The following TTN variants were observed in gnomAD, a reference collection of about 807,000 sequenced individuals.
TTN encodes connectin.
In TTN, 1,525 loss-of-function variants were observed where a neutral mutation model predicts 3,223.0. The ratio of observed to expected loss-of-function variants is 0.47; its 90% CI spans 0.45 to 0.49. TTN has a LOEUF of 0.49. Among genes scored for constraint, TTN ranks in the 20% least tolerant of loss-of-function variants. TTN has a pLI of 0.00. For missense variants in TTN, 40,786 were observed against 43,424.0 expected, an observed-to-expected ratio of 0.94 and a Z score of 5.40; for synonymous variants, 14,094 against 15,161.0, an observed-to-expected ratio of 0.93 and a Z score of 5.17.
chr2:178,603,190 A>G (rs1156416457), intron 282 of TTN, among the ~76,000 whole-genome samples: 1 of 151,992 alleles, frequency 6.6e-6, no homozygotes, highest in African/African-American at 2.4e-5. Context: ...GTTCAATACT[A>G]GTTTGCAAAT....
In TTN at chr2:178,542,338, C is replaced by T. The variant is rs397517770; in HGVS notation, c.97418G>A (p.Arg32473His). The change falls in exon 349 of 363, where the codon CGT (arginine) becomes CAT (histidine). Residue 32473 changes from arginine to histidine, a missense_variant. By Grantham distance (29) the Arg-to-His change is conservative (BLOSUM62 0). Transcript: ENST00000589042. ...RLTEGNEYVF[R>H]VAATNRFGIG... is the part of the protein sequence containing the mutation. ...CCCGAAGCGGTTTGTTGCAGCCACA[C>T]GGAACACATACTCATTTCCTTCGGT... is the stretch of plus-strand genomic sequence containing the variant. 9.4e-5 allele frequency: 151 copies of T among 1,613,294 alleles called. 4 individuals carry two copies. In the South Asian group the frequency reaches 1.5e-3, roughly 16 times the overall value.
intron 152 of TTN, 94 bp downstream of exon 152, chr2:178,673,539 T>C (rs2067383065): frequency 1.1e-6 from 1 of 873,278 alleles, no homozygotes; most frequent in Non-Finnish European, 1.7e-6. Context: ...ACTATCTAAA[T>C]GATTATAAGA....
chr2:178,682,476 G>A (rs571029118), intron 135 of TTN, among the ~76,000 whole-genome samples: 31 of 152,028 alleles, frequency 2.0e-4, no homozygotes, highest in African/African-American at 5.3e-4. Flanking sequence ...GATTATTCCC[G>A]GAACAAAAGT....
chr2:178,584,677 A>T lies in TTN; in HGVS notation c.64964T>A (p.Phe21655Tyr). Reference protein sequence around the residue: ...PLTSPKMVAQFPFGVPSEPKN... With the variant: ...PLTSPKMVAQYPFGVPSEPKN... ...CCTTCACAAAAACATACCAAATGGG[A>T]ACTGCGCAACCATCTTTGGAGATGT... The change falls in exon 310 of 363, where the codon TTC becomes TAC. Residue 21655 changes from phenylalanine to tyrosine, a missense_variant. Coordinates refer to ENST00000589042, the MANE Select transcript of TTN (RefSeq NM_001267550.2). 1 of 1,613,346 alleles carries T rather than the reference A, an allele frequency of 6.2e-7. No homozygotes were observed. Among genetic ancestry groups the T allele is most frequent in the Non-Finnish European group, 8.5e-7 (1 of 1,179,512 alleles).
chr2:178,723,616 C>T lies in TTN; in HGVS notation c.21484G>A (p.Gly7162Arg), dbSNP rs1288993592. ...KNVTFTSVIR[G>R]TPPFKVNWFR... ...CAGTTGACTTTGAATGGAGGGGTTC[C>T]TCTAATAACGCTTGTGAAGGTTACA... The change falls in exon 74 of 363, where the codon GGA (glycine) becomes AGA (arginine). Residue 7162 changes from glycine to arginine, a missense_variant. Coordinates refer to ENST00000589042, the MANE Select transcript of TTN (RefSeq NM_001267550.2). 6.2e-7 allele frequency: 1 copy of T among 1,612,916 alleles called. No individual in the cohort carries two copies. The highest frequency in any genetic ancestry group is 8.5e-7 in the Non-Finnish European group (1 of 1,179,462).
In TTN at chr2:178,538,803, GA is replaced by G; in HGVS notation, c.99025del (p.Ser33009GlnfsTer52). ...PSQPGELEILSISKDSVTLQW... is the reference protein window; with the variant it reads ...PSQPGELEILXISKDSVTLQW... ...TAGAGTGACACTATCTTTGGATATTGAAAGAATCTCAAGTTCTCCTGGTTGG... is the reference window on the plus strand; with the variant it reads ...TAGAGTGACACTATCTTTGGATATTGAAGAATCTCAAGTTCTCCTGGTTGG... On this transcript the variant is annotated frameshift_variant, in exon 354 of 363. Transcript: ENST00000589042. LOFTEE classifies it high-confidence loss of function. 6.2e-7 allele frequency: 1 copy of G among 1,611,366 alleles called. No homozygotes were observed. Among genetic ancestry groups the G allele is most frequent in the Non-Finnish European group, 8.5e-7 (1 of 1,178,430 alleles).
In TTN at chr2:178,782,203, T is replaced by C. The variant is rs770149480; in HGVS notation, c.3380+9A>G. 4.7e-5 allele frequency: 76 copies of C among 1,613,906 alleles called. No homozygotes were observed. The highest frequency in any genetic ancestry group is 6.3e-5 in the Non-Finnish European group (74 of 1,179,952). ...TCACAGAGAACTCTATATTCAGCCA[T>C]CAAAATACCTGTATCCAGTGGTTAG... On this transcript the variant is annotated intron_variant, in intron 20 of 362. Transcript: ENST00000589042.
intron 16 of TTN, 65 bp from the exon 17 acceptor site, chr2:178,783,850 G>A (rs1057507889): frequency 7.6e-7 from 1 of 1,312,232 alleles, no homozygotes; most frequent in African/African-American, 1.5e-5. Flanking sequence ...TAAACTCTTA[G>A]CTCATGCAAC....
Position 178,773,153 on chromosome 2 carries a change from A to G in TTN, c.7811T>C (p.Phe2604Ser), listed in dbSNP as rs772001227. 1 of 1,613,856 alleles carries G rather than the reference A, an allele frequency of 6.2e-7. No homozygotes were observed. The highest frequency in any genetic ancestry group is 8.5e-7 in the Non-Finnish European group (1 of 1,179,932). The stretch of plus-strand genomic sequence containing the variant: ...AGATGTCATATTTTCTCCCGCGTAA[A>G]ATGTGTATTTTCCTTCATCATCTTT... ...MMKDDEGKYTFYAGENMTSGK... is the reference protein window; with the variant it reads ...MMKDDEGKYTSYAGENMTSGK... Residue 2604 changes from phenylalanine to serine, a missense_variant, in exon 33 of 363, where the codon TTT (phenylalanine) becomes TCT (serine). By Grantham distance (155) the Phe-to-Ser change is radical (BLOSUM62 -2). Transcript: ENST00000589042.
At position 178,564,081 on chromosome 2, in the gene TTN, G is replaced by C. The variant is rs1398866994; in HGVS notation, c.82051C>G (p.Leu27351Val). The C allele has an allele frequency of 6.2e-7, 1 of 1,613,750 alleles. No homozygotes were observed. The highest frequency in any genetic ancestry group is 1.3e-5 in the African/African-American group (1 of 75,022). Residue 27351 changes from leucine (L) to valine (V), a missense_variant, in exon 326 of 363, where the codon CTC becomes GTC. By Grantham distance (32) the Leu-to-Val change is conservative. Coordinates refer to ENST00000589042, the MANE Select transcript of TTN (RefSeq NM_001267550.2). ...RTDGGQYILK[L>V]SNVGGTKSIP... ...GACTTTGTACCACCAACATTGCTGA[G>C]TTTCAGAATATATTGTCCTCCATCA...
At chr2:178,800,960 T>C (rs1054595407) in intron 3 of TTN, among the ~76,000 whole-genome samples, 1 of 152,234 alleles carries the variant, frequency 6.6e-6, no homozygotes, top group Non-Finnish European at 1.5e-5. Flanking sequence ...ATAAAAGCTC[T>C]AGATTTTGTT....
chr2:178,622,574 A>T (rs1049129423), intron 243 of TTN, 96 bp downstream of exon 243: 1 of 885,904 alleles, frequency 1.1e-6, no homozygotes, highest in African/African-American at 1.7e-5. Context: ...GTGACCAGAG[A>T]AGTTGTGACT....
At chr2:178,699,537 G>A (rs1225671432) in intron 111 of TTN, among the ~76,000 whole-genome samples, 2 of 137,706 alleles carry the variant, frequency 1.5e-5, no homozygotes, top group Admixed American at 7.4e-5. Flanking sequence ...TCAGCCTCCC[G>A]AGTAGCTGGG....
intron 119 of TTN, among the ~76,000 whole-genome samples, chr2:178,693,332 G>C (rs2072915444): frequency 6.6e-6 from 1 of 152,060 alleles, no homozygotes; most frequent in Non-Finnish European, 1.5e-5. Context: ...TGGTGAGCTA[G>C]CATGAACTGG....
intron 163 of TTN, among the ~76,000 whole-genome samples, chr2:178,666,287 T>C (rs1023297790): frequency 1.6e-4 from 24 of 152,118 alleles, no homozygotes; most frequent in Admixed American, 1.4e-3. Context: ...ATGAAATTAT[T>C]GTTCTGGAGG....
rs1553710237 is a variant in TTN at position 178,617,893 on chromosome 2, C to G, written c.47458G>C (p.Val15820Leu). ...TCCTGTCCTTCTACCACATCAGTAACAGTTGCAGACAGGTCTTCAGCTCTC... is the reference window on the plus strand; with the variant it reads ...TCCTGTCCTTCTACCACATCAGTAAGAGTTGCAGACAGGTCTTCAGCTCTC... ...TVRAEDLSATVTDVVEGQEYS... is the reference protein window; with the variant it reads ...TVRAEDLSATLTDVVEGQEYS... Residue 15820 changes from valine to leucine, a missense_variant, in exon 253 of 363, where the codon GTT (valine) becomes CTT (leucine). Coordinates refer to ENST00000589042, the MANE Select transcript of TTN (RefSeq NM_001267550.2). The G allele has an allele frequency of 6.2e-7, 1 of 1,612,678 alleles. No homozygotes were observed. Among genetic ancestry groups the G allele is most frequent in the African/African-American group, 1.3e-5 (1 of 74,924 alleles).
At position 178,550,075 on chromosome 2, in the gene TTN, T is replaced by G; in HGVS notation, c.91763A>C (p.Asp30588Ala). The change falls in exon 337 of 363, where the codon GAT becomes GCT. Residue 30588 changes from aspartate to alanine, a missense_variant. Transcript: ENST00000589042. ...VLGSTSLFVR[D>A]ATRDHRGVYT... The stretch of plus-strand genomic sequence containing the variant: ...TACACCACGATGGTCCCGAGTAGCA[T>G]CTCTAACAAATAGGCTGGTGGATCC... 6.2e-7 allele frequency: 1 copy of G among 1,613,802 alleles called. No homozygotes were observed. Among genetic ancestry groups the G allele is most frequent in the Non-Finnish European group, 8.5e-7 (1 of 1,179,764 alleles).
At position 178,718,350 on chromosome 2, in the gene TTN, A is replaced by C. The variant is rs764248656; in HGVS notation, c.24756T>G (p.Asp8252Glu). The change falls in exon 85 of 363, where the codon GAT becomes GAG. Residue 8252 changes from aspartate to glutamate, a missense_variant. Coordinates refer to ENST00000589042, the MANE Select transcript of TTN (RefSeq NM_001267550.2). ...SCLIENEAGQDICEALVSVLE... is the reference protein window; with the variant it reads ...SCLIENEAGQEICEALVSVLE... ...AGACAGACACCAGAGCTTCACAGAT[A>C]TCTTGACCAGCCTCATTTTCTATCA... 68 of 1,613,702 alleles carry C rather than the reference A, an allele frequency of 4.2e-5. No homozygotes were observed. In the East Asian group the frequency reaches 1.2e-3, roughly 30 times the overall value.
rs2048093563 is a variant in TTN at position 178,582,846 on chromosome 2, A to C, written c.65863+94T>G. The C allele has an allele frequency of 2.7e-6, 3 of 1,130,088 alleles. No individual in the cohort carries two copies. In the African/African-American group the frequency reaches 4.7e-5, roughly 18 times the overall value. 70.0% of individuals were successfully genotyped at this position (1,130,088 alleles called of 1,614,324 possible). A position where few individuals can be genotyped will look rare whatever the true frequency, so the allele number is the denominator to read the frequency against. Reference sequence around the variant, plus strand: ...CTGTGCATAGGAAATACACATTAGAATATGAATGTCTTCTCCCACATTATT... The same window carrying C: ...CTGTGCATAGGAAATACACATTAGACTATGAATGTCTTCTCCCACATTATT... On this transcript the variant is annotated intron_variant, in intron 313 of 362. Transcript: ENST00000589042.
Sources: gnomAD v4.1 joint callset for allele counts (sites outside exome capture counted in the v4.1 genomes callset) on GRCh38, gnomAD v4.1.1 for gene constraint, MANE v1.5 for transcripts, NCBI Gene and HGNC (gene_info 2026-07-23, HGNC 2026-07-21) for gene names.